Variants in FGFR1OP2 observed in about 807,000 individuals in gnomAD.
FGFR1OP2 encodes fibroblast growth factor receptor 1 oncogene partner 2.
A neutral mutation model predicts 35.2 loss-of-function variants in FGFR1OP2; 17 were observed. The observed-to-expected ratio is 0.48, with a 90% confidence interval of 0.33 to 0.73. The LOEUF (loss-of-function observed/expected upper bound fraction) is 0.73. Among genes scored for constraint, FGFR1OP2 ranks in the 30% least tolerant of loss-of-function variants. The pLI, the probability that FGFR1OP2 is intolerant of heterozygous loss-of-function variation, is 0.02. For synonymous variants in FGFR1OP2, 105 were observed against 104.6 expected (o/e 1.00, Z -0.03); for missense variants, 251 against 307.3 (o/e 0.82, Z 1.37).
chr12:26,955,361 T>C (rs1041938022), intron 2 of FGFR1OP2, among the ~76,000 whole-genome samples: 1 of 152,248 alleles, frequency 6.6e-6, no homozygotes, highest in African/African-American at 2.4e-5. Flanking sequence ...AAATTTACTT[T>C]TTTGAAGGGT....
intron 1 of FGFR1OP2, 62 bp from the exon 2 acceptor site, chr12:26,954,083 G>A: frequency 8.0e-7 from 1 of 1,250,542 alleles, no homozygotes; most frequent in Non-Finnish European, 1.1e-6. Context: ...GTGTTGACAT[G>A]AAGCTAAAAT....
intron 5 of FGFR1OP2, chr12:26,961,687 G>A (rs1463581677): frequency 2.6e-5 from 4 of 152,082 alleles, no homozygotes; most frequent in East Asian, 1.9e-4. Context: ...GCAGTGAGCC[G>A]AGGTCGTGCC....
rs1308900946 is a variant in FGFR1OP2 at position 26,950,229 on chromosome 12, T to TTTTTTTTG, written c.-14-3909_-14-3908insGTTTTTTT. Reference sequence around the variant, plus strand: ...GTATTCGTTGTTTTTTTTTTTTTTTTTTTTTTTTTTGAGACAGAGTCCCGT... The same window carrying TTTTTTTTG: ...GTATTCGTTGTTTTTTTTTTTTTTTTTTTTTTTGTTTTTTTTTTGAGACAGAGTCCCGT... On this transcript the variant is annotated intron_variant, in intron 1 of 6. Coordinates refer to ENST00000229395, the MANE Select transcript of FGFR1OP2 (RefSeq NM_015633.3). 4.9e-5 allele frequency among the ~76,000 whole-genome samples: 6 copies of TTTTTTTTG among 121,402 alleles called. 2 individuals are homozygous for TTTTTTTTG. Among genetic ancestry groups the TTTTTTTTG allele is most frequent in the African/African-American group, 2.0e-4 (6 of 30,682 alleles). The allele number at this position is 121,402 out of a possible 152,430, so 79.6% of individuals were successfully genotyped here.
rs1355429202 is a variant in FGFR1OP2 at position 26,965,240 on chromosome 12, T to TA, written c.*508dup. On this transcript the variant is annotated 3_prime_UTR_variant, in exon 7 of 7. Coordinates refer to ENST00000229395, the MANE Select transcript of FGFR1OP2 (RefSeq NM_015633.3). ...TTATTTAAATTTTTGTGAAAGAAAA[T>TA]ACAGTTTTAAAGGCTATAGGAATGT... The TA allele has an allele frequency of 6.5e-6, 1 of 153,472 alleles. No homozygotes were observed. The highest frequency in any genetic ancestry group is 1.5e-5 in the Non-Finnish European group (1 of 68,580). The allele number at this position is 153,472 out of a possible 1,614,324, so 9.5% of individuals were successfully genotyped here.
At chr12:26,952,206 A>G (rs1045538496) in intron 1 of FGFR1OP2, among the ~76,000 whole-genome samples, 31 of 149,906 alleles carry the variant, frequency 2.1e-4, no homozygotes, top group African/African-American at 7.1e-4. Context: ...CATTTAACCT[A>G]TTTATGTTAA....
intron 1 of FGFR1OP2, among the ~76,000 whole-genome samples, chr12:26,941,716 A>G (rs1938737067): frequency 6.6e-6 from 1 of 152,190 alleles, no homozygotes; most frequent in Non-Finnish European, 1.5e-5. Context: ...CTAGGCTGTT[A>G]TGTCTGGAAA....
intron 1 of FGFR1OP2, among the ~76,000 whole-genome samples, chr12:26,949,599 A>C (rs1301358135): frequency 2.0e-5 from 3 of 151,486 alleles, no homozygotes; most frequent in Non-Finnish European, 4.4e-5. Flanking sequence ...TTTGTTTGAG[A>C]CAGAGTTTTG....
In FGFR1OP2 at chr12:26,948,836, G is replaced by A. The variant is rs547683108; in HGVS notation, c.-14-5309G>A. ...TCATTGTGAATATTGTGTCTTTTCG[G>A]TAGGGGACTCTTCTAAGGTATTCAT... On this transcript the variant is annotated intron_variant, in intron 1 of 6. Coordinates refer to ENST00000229395, the MANE Select transcript of FGFR1OP2 (RefSeq NM_015633.3). Among the ~76,000 whole-genome samples the A allele has an allele frequency of 6.6e-5, 10 of 152,176 alleles. No homozygotes were observed. The East Asian group carries it at 1.9e-3, about 29-fold the overall frequency.
At chr12:26,944,932 A>G (rs1183061834) in intron 1 of FGFR1OP2, among the ~76,000 whole-genome samples, 1 of 152,018 alleles carries the variant, frequency 6.6e-6, no homozygotes, top group Non-Finnish European at 1.5e-5. Context: ...ATCTTGTGTG[A>G]CTTTATGTAG....
At chr12:26,952,094 T>G (rs1772816476) in intron 1 of FGFR1OP2, among the ~76,000 whole-genome samples, 1 of 151,286 alleles carries the variant, frequency 6.6e-6, no homozygotes, top group African/African-American at 2.4e-5. Flanking sequence ...GTCCTTTTTT[T>G]TTTTTTTTTT....
chr12:26,952,946 G>A (rs921605730), intron 1 of FGFR1OP2, among the ~76,000 whole-genome samples: 14 of 151,962 alleles, frequency 9.2e-5, no homozygotes, highest in Admixed American at 2.0e-4. Context: ...TATATTGAAC[G>A]TTAGGTAAAA....
intron 1 of FGFR1OP2, among the ~76,000 whole-genome samples, chr12:26,945,674 A>G (rs1247217248): frequency 6.6e-6 from 1 of 152,188 alleles, no homozygotes; most frequent in East Asian, 1.9e-4. Context: ...CAGCCTGGCC[A>G]ACGTGGTGAA....
chr12:26,950,056 A>G (rs1233493193), intron 1 of FGFR1OP2, among the ~76,000 whole-genome samples: 1 of 152,038 alleles, frequency 6.6e-6, no homozygotes, highest in East Asian at 1.9e-4. Context: ...ACAGTTTCAT[A>G]TGAGGCTTTT....
chr12:26,964,395 TG>T (rs1459590018), intron 6 of FGFR1OP2, among the ~76,000 whole-genome samples, 200 bp from the exon 7 acceptor site: 1 of 152,172 alleles, frequency 6.6e-6, no homozygotes, highest in African/African-American at 2.4e-5. Flanking sequence ...TGGTGGAAGA[TG>T]TTGAACACGA....
At chr12:26,944,809 T>G (rs1196625517) in intron 1 of FGFR1OP2, among the ~76,000 whole-genome samples, 1 of 152,224 alleles carries the variant, frequency 6.6e-6, no homozygotes, top group Admixed American at 6.5e-5. Context: ...AAATGTGTGA[T>G]AGAATTTGTC....
At chr12:26,942,878 C>T (rs1424233881) in intron 1 of FGFR1OP2, among the ~76,000 whole-genome samples, 1 of 152,070 alleles carries the variant, frequency 6.6e-6, no homozygotes, top group Non-Finnish European at 1.5e-5. Flanking sequence ...AATATTTTCT[C>T]CCAGCCTGTA....
At chr12:26,954,413 C>A in intron 2 of FGFR1OP2, 120 bp downstream of exon 2, 3 of 1,205,440 alleles carry the variant, frequency 2.5e-6, no homozygotes, top group African/African-American at 1.5e-5. Flanking sequence ...AGTAGCTTGA[C>A]TTGTGTGTTT....
intron 5 of FGFR1OP2, 47 bp downstream of exon 5, chr12:26,960,675 G>A (rs573390357): frequency 1.9e-6 from 3 of 1,561,178 alleles, no homozygotes; most frequent in African/African-American, 1.4e-5. Flanking sequence ...TGGAAGGGGG[G>A]TCCATTTTAA....
intron 1 of FGFR1OP2, among the ~76,000 whole-genome samples, chr12:26,952,415 A>C (rs1238179972): frequency 6.6e-6 from 1 of 152,134 alleles, no homozygotes; most frequent in Admixed American, 6.5e-5. Flanking sequence ...TTTACTCCTC[A>C]TATTTTCAAG....
Sources: allele counts gnomAD v4.1 joint callset (sites outside exome capture counted in the v4.1 genomes callset), GRCh38; gene constraint gnomAD v4.1.1; transcripts MANE v1.5; gene names NCBI Gene and HGNC (gene_info 2026-07-23, HGNC 2026-07-21).